SNTG2: variants seen among roughly 807,000 people sequenced by gnomAD.
SNTG2 encodes gamma-2-syntrophin.
A neutral mutation model predicts 70.9 loss-of-function variants in SNTG2; 74 were observed. The ratio of observed to expected loss-of-function variants is 1.04; its 90% CI spans 0.86 to 1.27. The LOEUF (loss-of-function observed/expected upper bound fraction) is 1.27, where lower values mean the gene tolerates loss of function less well. Among genes scored for constraint, SNTG2 ranks in the 50% most tolerant of loss-of-function variants. The pLI, the probability that SNTG2 is intolerant of heterozygous loss-of-function variation, is 0.00. For synonymous variants in SNTG2, 278 were observed against 273.8 expected (o/e 1.02, Z -0.15); for missense variants, 717 against 690.7 (o/e 1.04, Z -0.43).
rs1558292584 is a variant in SNTG2 at position 982,313 on chromosome 2, A to G, written c.72+31245A>G. Among the ~76,000 whole-genome samples, 4 of 152,320 alleles carry G rather than the reference A, an allele frequency of 2.6e-5. No homozygotes were observed. In the South Asian group the frequency reaches 6.2e-4, roughly 24 times the overall value. On this transcript the variant is annotated intron_variant, in intron 1 of 16. Transcript: ENST00000308624. Reference sequence around the variant, plus strand: ...AGCCTTACAGTTACCAGTTAGAGGAATTCACGTTCCACACTTTTTCTTTGA... The same window carrying G: ...AGCCTTACAGTTACCAGTTAGAGGAGTTCACGTTCCACACTTTTTCTTTGA...
chr2:1,027,461 A>G (rs1660541242), intron 1 of SNTG2, among the ~76,000 whole-genome samples: 1 of 150,096 alleles, frequency 6.7e-6, no homozygotes, highest in African/African-American at 2.5e-5. Flanking sequence ...CAAGTAACTC[A>G]TGCATCTCTG....
intron 4 of SNTG2, among the ~76,000 whole-genome samples, chr2:1,131,827 T>A (rs1292767319): frequency 6.6e-6 from 1 of 152,016 alleles, no homozygotes; most frequent in Non-Finnish European, 1.5e-5. Context: ...AGTTTTTGTA[T>A]TTTTAGTAGA....
At chr2:1,008,019 C>T (rs555730646) in intron 1 of SNTG2, among the ~76,000 whole-genome samples, 1 of 152,306 alleles carries the variant, frequency 6.6e-6, no homozygotes, top group East Asian at 1.9e-4. Context: ...TCCCAAAGTG[C>T]TGGGATTACA....
At chr2:1,061,217 A>G (rs1311044567) in intron 1 of SNTG2, among the ~76,000 whole-genome samples, 3 of 152,066 alleles carry the variant, frequency 2.0e-5, no homozygotes, top group Non-Finnish European at 4.4e-5. Context: ...TGAACAGGTT[A>G]AAGAGATGTG....
At chr2:975,625 C>A (rs570752921) in intron 1 of SNTG2, among the ~76,000 whole-genome samples, 1 of 151,110 alleles carries the variant, frequency 6.6e-6, no homozygotes, top group South Asian at 2.1e-4. Context: ...TCCGCCTACA[C>A]CACATACAGC....
chr2:1,011,164 C>T (rs1659719275), intron 1 of SNTG2, among the ~76,000 whole-genome samples: 1 of 152,156 alleles, frequency 6.6e-6, no homozygotes, highest in Admixed American at 6.5e-5. Context: ...TCTGAAGTCC[C>T]AAGAAGCCAC....
intron 1 of SNTG2, among the ~76,000 whole-genome samples, chr2:970,746 T>C (rs1287377214): frequency 1.3e-5 from 2 of 151,272 alleles, no homozygotes. Context: ...CATGTGTCTT[T>C]ATAGCAGCAT....
At position 1,367,337 on chromosome 2, in the gene SNTG2, C is replaced by T. The variant is rs1661541166; in HGVS notation, c.1489-6C>T. 3 of 1,528,540 alleles carry T rather than the reference C, an allele frequency of 2.0e-6. No homozygotes were observed. Among genetic ancestry groups the T allele is most frequent in the Non-Finnish European group, 2.6e-6 (3 of 1,137,830 alleles). The allele number at this position is 1,528,540 out of a possible 1,614,324, so 94.7% of individuals were successfully genotyped here. A position where few individuals can be genotyped will look rare whatever the true frequency, so the allele number is the denominator to read the frequency against. ...AATAAACACTTGATCTGATTTTCTC[C>T]TCCAGGAACTCGAGTTCCAGGACCT... On this transcript the variant is annotated splice_region_variant and splice_polypyrimidine_tract_variant and intron_variant, in intron 16 of 16. Coordinates refer to ENST00000308624, the MANE Select transcript of SNTG2 (RefSeq NM_018968.4).
intron 16 of SNTG2, chr2:1,341,328 C>T (rs1660075681): frequency 6.6e-6 from 1 of 152,208 alleles, no homozygotes; most frequent in Non-Finnish European, 1.5e-5. Context: ...AAGCAGAGAA[C>T]ATTTATTACA....
chr2:1,017,421 GTGTACACATGCAGACACATGCAA>G (rs1659932573), intron 1 of SNTG2, among the ~76,000 whole-genome samples: 1 of 152,126 alleles, frequency 6.6e-6, no homozygotes. Context: ...ATGGAGCTAC[GTGTACACATGCAGACACATGCAA>G]TGTGCATGCA....
chr2:1,093,909 T>C (rs543171593), intron 2 of SNTG2, among the ~76,000 whole-genome samples: 4 of 121,468 alleles, frequency 3.3e-5, no homozygotes, highest in African/African-American at 9.6e-5. Context: ...GCTGCCTTCC[T>C]GGCTTGCAGG....
chr2:1,250,375 CTCTCTG>C (rs1558596530), intron 12 of SNTG2, among the ~76,000 whole-genome samples: 3 of 152,182 alleles, frequency 2.0e-5, no homozygotes, highest in African/African-American at 4.8e-5. Flanking sequence ...CTCTCCCTGT[CTCTCTG>C]TCTCTGTCTC....
chr2:1,031,878 A>G (rs926124522), intron 1 of SNTG2, among the ~76,000 whole-genome samples: 4 of 152,106 alleles, frequency 2.6e-5, no homozygotes, highest in Admixed American at 6.5e-5. Flanking sequence ...TGCATTTCCT[A>G]GCGATGGGAA....
chr2:971,833 G>A (rs1660753154), intron 1 of SNTG2, among the ~76,000 whole-genome samples: 2 of 151,838 alleles, frequency 1.3e-5, no homozygotes, highest in Admixed American at 1.3e-4. Context: ...CTTTAGGTGT[G>A]TTCCAGAGAT....
At chr2:1,162,039 A>G (rs1393368352) in intron 6 of SNTG2, among the ~76,000 whole-genome samples, 9 of 128,656 alleles carry the variant, frequency 7.0e-5, no homozygotes, top group Non-Finnish European at 1.1e-4. Flanking sequence ...GCGCCACTGC[A>G]CTCCAGCCTG....
intron 8 of SNTG2, among the ~76,000 whole-genome samples, chr2:1,194,257 C>T (rs577323457): frequency 9.9e-5 from 15 of 152,268 alleles, no homozygotes; most frequent in South Asian, 6.2e-4. Flanking sequence ...GGGGGAGAAG[C>T]GCTGGGGATG....
At chr2:1,004,027 A>G (rs561062326) in intron 1 of SNTG2, among the ~76,000 whole-genome samples, 1 of 152,222 alleles carries the variant, frequency 6.6e-6, no homozygotes, top group Non-Finnish European at 1.5e-5. Context: ...GAAGAGAGCT[A>G]TTACAAAGCA....
intron 1 of SNTG2, among the ~76,000 whole-genome samples, chr2:990,145 C>CT (rs1661442917): frequency 6.6e-6 from 1 of 152,224 alleles, no homozygotes; most frequent in African/African-American, 2.4e-5. Context: ...CTATTCTTTA[C>CT]TAAAGGCAAA....
chr2:1,141,184 C>A (rs117720572), intron 6 of SNTG2, among the ~76,000 whole-genome samples: 2 of 152,272 alleles, frequency 1.3e-5, no homozygotes, highest in East Asian at 3.9e-4. Context: ...AGAAGGGGTT[C>A]CTAATACAGA....
Sources: gnomAD v4.1 joint callset for allele counts (sites outside exome capture counted in the v4.1 genomes callset) on GRCh38, gnomAD v4.1.1 for gene constraint, MANE v1.5 for transcripts, NCBI Gene and HGNC (gene_info 2026-07-23, HGNC 2026-07-21) for gene names.